Variants in BAZ2B observed in about 807,000 individuals in gnomAD.
BAZ2B encodes bromodomain adjacent to zinc finger domain protein 2B.
BAZ2B carries 91 observed loss-of-function variants against 246.0 expected under a neutral mutation model. That is an observed-to-expected ratio of 0.37 (90% CI 0.31 to 0.44). BAZ2B has a LOEUF of 0.44. Ranked by LOEUF, BAZ2B falls within the 20% of genes least tolerant of loss-of-function variation. The pLI, the probability that BAZ2B is intolerant of heterozygous loss-of-function variation, is 1.00. For synonymous variants in BAZ2B, 855 were observed against 860.0 expected, an observed-to-expected ratio of 0.99 and a Z score of 0.10; for missense variants, 2,332 against 2,533.7, an observed-to-expected ratio of 0.92 and a Z score of 1.71.
At position 159,600,242 on chromosome 2, in the gene BAZ2B, C is replaced by T. The variant is rs186066031; in HGVS notation, c.-46+16000G>A. On this transcript the variant is annotated intron_variant, in intron 1 of 36. Coordinates refer to ENST00000392783, the MANE Select transcript of BAZ2B (RefSeq NM_013450.4). ...GTAAATAAGCCATACCTCATGAGAC[C>T]GGCCTTTTGGGGGTGATCAGGAAAA... 6.0e-3 allele frequency among the ~76,000 whole-genome samples: 907 copies of T among 152,092 alleles called. 4 individuals carry two copies. Among genetic ancestry groups the T allele is most frequent in the Middle Eastern group, 0.014 (4 of 294 alleles).
the BAZ2B span, among the ~76,000 whole-genome samples, chr2:159,658,061 G>A: frequency 6.6e-6 from 1 of 152,160 alleles, no homozygotes; most frequent in Non-Finnish European, 1.5e-5. Context: ...TTCAGAGGTA[G>A]TTTCTCTGTT....
intron 2 of BAZ2B, among the ~76,000 whole-genome samples, chr2:159,479,427 C>T (rs1323591838): frequency 6.6e-6 from 1 of 152,038 alleles, no homozygotes; most frequent in Non-Finnish European, 1.5e-5. Flanking sequence ...ATTTTATATT[C>T]ATTTTAATAC....
At chr2:159,542,500 G>A (rs1249884637) in intron 2 of BAZ2B, among the ~76,000 whole-genome samples, 1 of 152,140 alleles carries the variant, frequency 6.6e-6, no homozygotes, top group Non-Finnish European at 1.5e-5. Context: ...AGCCAGGTGT[G>A]CCGGTACATG....
rs75869529 is a variant in BAZ2B at position 159,575,805 on chromosome 2, A to G, written c.-45-19940T>C. Among the ~76,000 whole-genome samples the G allele has an allele frequency of 7.2e-3, 1,103 of 152,296 alleles. 3 individuals are homozygous for G. Among genetic ancestry groups the G allele is most frequent in the Non-Finnish European group, 0.011 (725 of 68,012 alleles). On this transcript the variant is annotated intron_variant, in intron 1 of 36. Transcript: ENST00000392783. ...ATACTAGTATGTACTCAAGAATATC[A>G]TTTTCAAAAGAAAAAAATTTTAACA...
chr2:159,570,512 T>A (rs1328818296), intron 1 of BAZ2B, among the ~76,000 whole-genome samples: 1 of 152,176 alleles, frequency 6.6e-6, no homozygotes, highest in African/African-American at 2.4e-5. Flanking sequence ...GATTTCACAA[T>A]ATAGAAGAAG....
At chr2:159,635,572 G>A in the BAZ2B span, among the ~76,000 whole-genome samples, 9,924 of 149,248 alleles carry the variant, frequency 0.066, 421 homozygotes, top group Middle Eastern at 0.19. Flanking sequence ...TATCCTGTTT[G>A]TTATTTCTGG....
At chr2:159,325,550 T>C (rs1242870022) in intron 35 of BAZ2B, 103 bp downstream of exon 35, 24 of 1,266,706 alleles carry the variant, frequency 1.9e-5, no homozygotes, top group Non-Finnish European at 2.4e-5. Flanking sequence ...CATTTTTTTA[T>C]TTACATAAAT....
intron 2 of BAZ2B, among the ~76,000 whole-genome samples, chr2:159,525,083 T>C (rs2084584087): frequency 6.6e-6 from 1 of 152,120 alleles, no homozygotes; most frequent in East Asian, 1.9e-4. Context: ...ATAAATAAAG[T>C]ACTCTGAGAG....
At chr2:159,641,008 A>AC in the BAZ2B span, among the ~76,000 whole-genome samples, 69,161 of 151,748 alleles carry the variant, frequency 0.46, 16,591 homozygotes, top group Middle Eastern at 0.63. Flanking sequence ...AAAGAAAAAA[A>AC]CCAAATAAAT....
intron 27 of BAZ2B, among the ~76,000 whole-genome samples, chr2:159,366,288 G>A (rs2060209226): frequency 6.6e-6 from 1 of 152,174 alleles, no homozygotes; most frequent in Non-Finnish European, 1.5e-5. Flanking sequence ...CATGCCGACA[G>A]TGTGTTAACC....
intron 2 of BAZ2B, among the ~76,000 whole-genome samples, chr2:159,540,177 C>T (rs901634397): frequency 2.0e-5 from 3 of 152,160 alleles, no homozygotes; most frequent in African/African-American, 7.2e-5. Context: ...ACAAGCAGCA[C>T]TCCATAAATT....
intron 1 of BAZ2B, among the ~76,000 whole-genome samples, chr2:159,558,163 G>C (rs1169334552): frequency 6.6e-6 from 1 of 152,152 alleles, no homozygotes; most frequent in Non-Finnish European, 1.5e-5. Flanking sequence ...TGGCAGGGTG[G>C]GGTGACTTTT....
At chr2:159,688,710 T>G in the BAZ2B span, among the ~76,000 whole-genome samples, 8 of 152,354 alleles carry the variant, frequency 5.3e-5, no homozygotes, top group African/African-American at 1.9e-4. Context: ...ACTTCTTTGA[T>G]CTGGAATGCA....
intron 33 of BAZ2B, among the ~76,000 whole-genome samples, 156 bp downstream of exon 33, chr2:159,336,786 A>G (rs1242229489): frequency 6.6e-6 from 1 of 152,250 alleles, no homozygotes; most frequent in Non-Finnish European, 1.5e-5. Context: ...TTCAGTAAGG[A>G]GGAAAGTATC....
At chr2:159,695,025 A>C in the BAZ2B span, 1 of 152,194 alleles carries the variant, frequency 6.6e-6, no homozygotes, top group Non-Finnish European at 1.5e-5. Context: ...GTGTGTGTGA[A>C]TAAATACTTC....
chr2:159,611,103 A>G (rs548094131), intron 1 of BAZ2B, among the ~76,000 whole-genome samples: 1 of 152,120 alleles, frequency 6.6e-6, no homozygotes, highest in East Asian at 1.9e-4. Flanking sequence ...GTCAACAGAA[A>G]AAACTGTAAA....
intron 3 of BAZ2B, among the ~76,000 whole-genome samples, chr2:159,454,994 A>G (rs532818822): frequency 6.6e-6 from 1 of 152,272 alleles, no homozygotes; most frequent in East Asian, 1.9e-4. Flanking sequence ...CTTCCAGGAA[A>G]TAATTAAGGT....
chr2:159,521,280 A>G (rs927038888), intron 2 of BAZ2B, among the ~76,000 whole-genome samples: 3 of 152,138 alleles, frequency 2.0e-5, no homozygotes, highest in Non-Finnish European at 4.4e-5. Context: ...AGTAGGAAAC[A>G]TTTCCATAAT....
At chr2:159,695,356 G>A in the BAZ2B span, 1 of 150,784 alleles carries the variant, frequency 6.6e-6, no homozygotes, top group Non-Finnish European at 1.5e-5. Flanking sequence ...GTTTTTGTTT[G>A]TTTTACTTTA....
Sources: gnomAD v4.1 joint callset for allele counts (sites outside exome capture counted in the v4.1 genomes callset) on GRCh38, gnomAD v4.1.1 for gene constraint, MANE v1.5 for transcripts, NCBI Gene and HGNC (gene_info 2026-07-23, HGNC 2026-07-21) for gene names.